Variants in FYTTD1 observed in about 807,000 individuals in gnomAD.
FYTTD1 encodes the protein forty-two-three domain containing 1.
A neutral mutation model predicts 40.9 loss-of-function variants in FYTTD1; 22 were observed. The ratio of observed to expected loss-of-function variants is 0.54; its 90% CI spans 0.38 to 0.77. The LOEUF (loss-of-function observed/expected upper bound fraction) is 0.77, where lower values mean the gene tolerates loss of function less well. Among genes scored for constraint, FYTTD1 ranks in the 30% least tolerant of loss-of-function variants. The pLI, the probability that FYTTD1 is intolerant of heterozygous loss-of-function variation, is 0.00. For synonymous variants in FYTTD1, 140 were observed against 137.9 expected (o/e 1.01, Z -0.10); for missense variants, 351 against 392.2 (o/e 0.90, Z 0.89).
At chr3:197,778,205 C>A in intron 7 of FYTTD1, 133 bp from the exon 8 acceptor site, 1 of 584,532 alleles carries the variant, frequency 1.7e-6, no homozygotes, top group Non-Finnish European at 2.8e-6. Context: ...GCCAGTGAAA[C>A]TTTTTTTTTG....
At chr3:197,770,740 G>T (rs1483865913) in intron 4 of FYTTD1, among the ~76,000 whole-genome samples, 2 of 151,730 alleles carry the variant, frequency 1.3e-5, no homozygotes, top group Non-Finnish European at 2.9e-5. Flanking sequence ...AATAGAGACA[G>T]GGTCTCACCA....
At position 197,787,111 on chromosome 3, in the gene FYTTD1, CTTTT is replaced by C. The variant is rs34296281; in HGVS notation, c.*5219_*5222del. 9 of 83,660 alleles carry C rather than the reference CTTTT, an allele frequency of 1.1e-4. No individual in the cohort carries two copies. The highest frequency in any genetic ancestry group is 1.4e-4 in the Admixed American group (1 of 6,980). 5.2% of individuals were successfully genotyped at this position (83,660 alleles called of 1,614,324 possible). A position where few individuals can be genotyped will look rare whatever the true frequency, so the allele number is the denominator to read the frequency against. Reference sequence around the variant, plus strand: ...ACCACGCCCGCCCTAAAAGTGGATTCTTTTTTTTTTTTTTTTTTTTGGAGACAGT... The same window carrying C: ...ACCACGCCCGCCCTAAAAGTGGATTCTTTTTTTTTTTTTTTTGGAGACAGT... On this transcript the variant is annotated 3_prime_UTR_variant, in exon 9 of 9. Coordinates refer to ENST00000241502, the MANE Select transcript of FYTTD1 (RefSeq NM_032288.7).
At chr3:197,750,419 G>C in intron 1 of FYTTD1, 1 of 1,036,296 alleles carries the variant, frequency 9.6e-7, no homozygotes, top group Non-Finnish European at 1.2e-6. Context: ...CTCTTTGTGA[G>C]GAAAGATCTG....
At position 197,782,715 on chromosome 3, in the gene FYTTD1, G is replaced by T. The variant is rs1167454729; in HGVS notation, c.*806G>T. 1 of 152,126 alleles carries T rather than the reference G, an allele frequency of 6.6e-6. No individual in the cohort carries two copies. The highest frequency in any genetic ancestry group is 1.5e-5 in the Non-Finnish European group (1 of 68,034). 9.4% of individuals were successfully genotyped at this position (152,126 alleles called of 1,614,324 possible). A position where few individuals can be genotyped will look rare whatever the true frequency, so the allele number is the denominator to read the frequency against. On this transcript the variant is annotated 3_prime_UTR_variant, in exon 9 of 9. Transcript: ENST00000241502. ...TTGAGATGAAACACTTCAAAACCCTGGTTATAGATGTACTGTTTGGATGTA... is the reference window on the plus strand; with the variant it reads ...TTGAGATGAAACACTTCAAAACCCTTGTTATAGATGTACTGTTTGGATGTA...
rs769842762 is a variant in FYTTD1, at chr3:197,750,012, C to T, written c.41C>T (p.Thr14Ile). 1 of 1,585,116 alleles carries T rather than the reference C, an allele frequency of 6.3e-7. No individual in the cohort carries two copies. The highest frequency in any genetic ancestry group is 1.4e-5 in the African/African-American group (1 of 72,048). ...ACCCGGTTGGTGGGAGCCACGGCGA[C>T]TTCTTCGCCGCCGCCGAAGGCCCGC... ...FGTRLVGATA[T>I]SSPPPKARSN... Residue 14 changes from threonine (T) to isoleucine (I), a missense_variant, in exon 1 of 9, where the codon ACT becomes ATT. Thr to Ile is a moderately conservative substitution (Grantham distance 89). Coordinates refer to ENST00000241502, the MANE Select transcript of FYTTD1 (RefSeq NM_032288.7).
chr3:197,754,166 G>A (rs1029335437), intron 1 of FYTTD1, among the ~76,000 whole-genome samples: 2 of 152,106 alleles, frequency 1.3e-5, no homozygotes, highest in African/African-American at 4.8e-5. Flanking sequence ...GACTTTTGAT[G>A]AAGAGTAAGT....
In FYTTD1 at chr3:197,782,866, ACTT is replaced by A. The variant is rs776114187; in HGVS notation, c.*961_*963del. The A allele has an allele frequency of 1.6e-4, 25 of 152,588 alleles. No individual in the cohort carries two copies. Among genetic ancestry groups the A allele is most frequent in the Non-Finnish European group, 2.9e-5 (2 of 68,032 alleles). The allele number at this position is 152,588 out of a possible 1,614,324, so 9.5% of individuals were successfully genotyped here. On this transcript the variant is annotated 3_prime_UTR_variant, in exon 9 of 9. Coordinates refer to ENST00000241502, the MANE Select transcript of FYTTD1 (RefSeq NM_032288.7). Reference sequence around the variant, plus strand: ...AAAATTAATAGCCATAAAGTCCTAGACTTCTTATTTGAAGTTAAAATTTCTTAT... The same window carrying A: ...AAAATTAATAGCCATAAAGTCCTAGACTTATTTGAAGTTAAAATTTCTTAT...
At position 197,768,942 on chromosome 3, in the gene FYTTD1, G is replaced by A. The variant is rs1360141042; in HGVS notation, c.384+355G>A. 2.6e-5 allele frequency among the ~76,000 whole-genome samples: 4 copies of A among 151,740 alleles called. 1 individual carries two copies. Among genetic ancestry groups the A allele is most frequent in the Non-Finnish European group, 5.9e-5 (4 of 67,958 alleles). ...CGAGTAGCTGGGATTACAGGTGTGT[G>A]CCACCACTCCCAGCTAATTTTCATG... On this transcript the variant is annotated intron_variant, in intron 3 of 8. Coordinates refer to ENST00000241502, the MANE Select transcript of FYTTD1 (RefSeq NM_032288.7).
rs1444254417 is a variant in FYTTD1, at chr3:197,770,245, G to A, written c.497+1G>A. On this transcript the variant is annotated splice_donor_variant, in intron 4 of 8. Transcript: ENST00000241502. LOFTEE classifies it high-confidence loss of function. The stretch of plus-strand genomic sequence containing the variant: ...AGAGACCTAGCCAGCTAAGCAGAAA[G>A]TAAGTGCTCAAAAATAATAATGTGT... The A allele has an allele frequency of 6.4e-7, 1 of 1,556,976 alleles. No individual in the cohort carries two copies. The highest frequency in any genetic ancestry group is 1.7e-5 in the Admixed American group (1 of 58,812).
Position 197,770,112 on chromosome 3 carries a change from A to C in FYTTD1, c.385-20A>C. On this transcript the variant is annotated intron_variant, in intron 3 of 8. Transcript: ENST00000241502. The stretch of plus-strand genomic sequence containing the variant: ...TAGAAAAATGCAATTTGATTAACAT[A>C]ATTTCTTGCCTTCTGATAGAATATA... The C allele has an allele frequency of 7.1e-7, 1 of 1,402,260 alleles. No individual in the cohort carries two copies. Among genetic ancestry groups the C allele is most frequent in the Non-Finnish European group, 1.0e-6 (1 of 1,000,980 alleles). The allele number at this position is 1,402,260 out of a possible 1,614,324, so 86.9% of individuals were successfully genotyped here. A position where few individuals can be genotyped will look rare whatever the true frequency, so the allele number is the denominator to read the frequency against.
intron 1 of FYTTD1, among the ~76,000 whole-genome samples, chr3:197,753,983 G>A (rs757668229): frequency 3.3e-5 from 5 of 151,970 alleles, no homozygotes; most frequent in South Asian, 4.2e-4. Flanking sequence ...CTCATGATCC[G>A]CCCACTTCGG....
At chr3:197,751,369 G>C (rs562395814) in intron 1 of FYTTD1, among the ~76,000 whole-genome samples, 1 of 152,232 alleles carries the variant, frequency 6.6e-6, no homozygotes, top group Admixed American at 6.5e-5. Flanking sequence ...GGCTGGGCGC[G>C]GTGGCTCACG....
At chr3:197,749,562 G>A, upstream of FYTTD1, 3 of 1,291,932 alleles carry the variant, frequency 2.3e-6, no homozygotes, top group Non-Finnish European at 3.0e-6. Flanking sequence ...CGAAAGGCTC[G>A]TGTGTACCGA....
At chr3:197,776,602 A>C (rs1729882818) in intron 6 of FYTTD1, among the ~76,000 whole-genome samples, 1 of 151,978 alleles carries the variant, frequency 6.6e-6, no homozygotes, top group Non-Finnish European at 1.5e-5. Context: ...ACAGGTTAAA[A>C]GTGCTGCCTC....
rs946033579 is a variant in FYTTD1 at position 197,771,293 on chromosome 3, C to A, written c.497+1049C>A. Among the ~76,000 whole-genome samples, 3 of 152,192 alleles carry A rather than the reference C, an allele frequency of 2.0e-5. No individual in the cohort carries two copies. In the East Asian group the frequency reaches 5.8e-4, roughly 29 times the overall value. ...TGATGAGGTGTGAAGTTTCCTTATT[C>A]AGTTTCAAGTATTATTTATTTATCT... On this transcript the variant is annotated intron_variant, in intron 4 of 8. Transcript: ENST00000241502.
chr3:197,776,047 C>CT (rs2109053115), intron 6 of FYTTD1, among the ~76,000 whole-genome samples: 1 of 152,166 alleles, frequency 6.6e-6, no homozygotes, highest in East Asian at 1.9e-4. Flanking sequence ...TCACATAAAG[C>CT]TGGGGGTGGG....
chr3:197,780,517 G>T (rs1039551273), intron 8 of FYTTD1, among the ~76,000 whole-genome samples: 1 of 152,000 alleles, frequency 6.6e-6, no homozygotes, highest in Non-Finnish European at 1.5e-5. Context: ...CACTAAATAT[G>T]TCACCATTTA....
intron 2 of FYTTD1, among the ~76,000 whole-genome samples, chr3:197,757,468 C>CTAA (rs1345406649): frequency 1.3e-5 from 2 of 152,206 alleles, no homozygotes; most frequent in Non-Finnish European, 2.9e-5. Context: ...GTGTTTACAG[C>CTAA]TAATATCCCA....
At chr3:197,762,110 C>A (rs1729406088) in intron 2 of FYTTD1, among the ~76,000 whole-genome samples, 1 of 152,148 alleles carries the variant, frequency 6.6e-6, no homozygotes, top group Admixed American at 6.5e-5. Context: ...CCTCCCAAAG[C>A]CCTCTCCTGT....
Sources: allele counts gnomAD v4.1 joint callset (sites outside exome capture counted in the v4.1 genomes callset), GRCh38; gene constraint gnomAD v4.1.1; transcripts MANE v1.5; gene names NCBI Gene and HGNC (gene_info 2026-07-23, HGNC 2026-07-21).